The following OTOF variants were observed in gnomAD, a reference collection of about 807,000 sequenced individuals.
OTOF encodes otoferlin.
OTOF carries 218 observed loss-of-function variants against 236.8 expected under a neutral mutation model. That is an observed-to-expected ratio of 0.92 (90% CI 0.82 to 1.03). The LOEUF is 1.03. OTOF is among the 50% of genes least tolerant of loss of function. The pLI is 0.00. For missense variants in OTOF, 2,590 were observed against 2,694.4 expected, an observed-to-expected ratio of 0.96 and a Z score of 0.86; for synonymous variants, 1,041 against 1,072.5, an observed-to-expected ratio of 0.97 and a Z score of 0.57.
intron 4 of OTOF, among the ~76,000 whole-genome samples, chr2:26,516,905 C>A (rs1422052491): frequency 3.3e-5 from 5 of 152,172 alleles, no homozygotes; most frequent in African/African-American, 1.2e-4. Flanking sequence ...AGCCTGGACT[C>A]ACCCCCCGAG....
Position 26,464,850 on chromosome 2 carries a change from G to T in OTOF, c.4960+19C>A, listed in dbSNP as rs748472541. 1 of 1,598,688 alleles carries T rather than the reference G, an allele frequency of 6.3e-7. No individual in the cohort carries two copies. The highest frequency in any genetic ancestry group is 8.5e-7 in the Non-Finnish European group (1 of 1,172,012). Reference sequence around the variant, plus strand: ...CCCCCTGGAGAGGGGGCAGGCGGCTGCATCCAGTGCCCCATTACCGTTCTC... The same window carrying T: ...CCCCCTGGAGAGGGGGCAGGCGGCTTCATCCAGTGCCCCATTACCGTTCTC... On this transcript the variant is annotated intron_variant, in intron 39 of 46. Coordinates refer to ENST00000272371, the MANE Select transcript of OTOF (RefSeq NM_194248.3).
rs958376268 is a variant in OTOF, at chr2:26,499,669, C to A, written c.765+2085G>T. On this transcript the variant is annotated intron_variant, in intron 8 of 46. Transcript: ENST00000272371. ...ATTACAGGTATGCGCCACCACCATG[C>A]CTGGCTAATTTTTGTATTTTTAGTA... 2.6e-5 allele frequency among the ~76,000 whole-genome samples: 4 copies of A among 152,000 alleles called. No homozygotes were observed. In the East Asian group the frequency reaches 7.7e-4, roughly 29 times the overall value.
Position 26,473,996 on chromosome 2 carries a change from C to T in OTOF, c.3403G>A (p.Val1135Met), listed in dbSNP as rs376216850. 1.2e-6 allele frequency: 2 copies of T among 1,612,840 alleles called. No individual in the cohort carries two copies. The highest frequency in any genetic ancestry group is 1.7e-6 in the Non-Finnish European group (2 of 1,179,892). ...GCCACACAGAGCCCTCGCACCTCCA[C>T]TCGGTACTTGCTGAGCACGGGCCGG... ...GIRPVLSKYRVEVLFWGLRDL... is the reference protein window; with the variant it reads ...GIRPVLSKYRMEVLFWGLRDL... The change falls in exon 27 of 47, where the codon GTG (valine) becomes ATG (methionine). Residue 1135 changes from valine to methionine, a missense_variant. By Grantham distance (21) the Val-to-Met change is conservative (BLOSUM62 1). Coordinates refer to ENST00000272371, the MANE Select transcript of OTOF (RefSeq NM_194248.3). The surrounding 1 kb of genome is among the most constrained non-coding windows in gnomAD (Gnocchi z 7.2).
At chr2:26,535,705 C>T (rs1010028686) in intron 2 of OTOF, among the ~76,000 whole-genome samples, 3 of 152,188 alleles carry the variant, frequency 2.0e-5, no homozygotes, top group African/African-American at 7.2e-5. Context: ...TACAAATCAT[C>T]ATGGGGTGTT....
At chr2:26,557,910 T>C (rs906405677) in intron 1 of OTOF, among the ~76,000 whole-genome samples, 9 of 151,726 alleles carry the variant, frequency 5.9e-5, no homozygotes, top group African/African-American at 2.2e-4. Flanking sequence ...CAGTAGATCA[T>C]AATAAATGGT....
intron 4 of OTOF, 148 bp from the exon 5 acceptor site, chr2:26,516,747 T>A (rs1666538769): frequency 1.2e-6 from 1 of 824,774 alleles, no homozygotes; most frequent in South Asian, 1.4e-5. Context: ...CTCTGCCCCA[T>A]TTTGCTGATG....
chr2:26,505,970 G>T (rs1031439868), intron 5 of OTOF, among the ~76,000 whole-genome samples: 1 of 152,194 alleles, frequency 6.6e-6, no homozygotes, highest in African/African-American at 2.4e-5. Flanking sequence ...TTAAATTGCT[G>T]GTGACATAAC....
At chr2:26,459,646 T>C (rs1038352196) in intron 46 of OTOF, among the ~76,000 whole-genome samples, 2 of 152,128 alleles carry the variant, frequency 1.3e-5, no homozygotes, top group African/African-American at 4.8e-5. Flanking sequence ...GATTGGAAAT[T>C]TGGAAACCTT....
Position 26,465,948 on chromosome 2 carries a change from CT to C in OTOF, c.4628del (p.Lys1543SerfsTer15). ...CAGGGGAGGGCACCAAGAAGCCTTA[CT>C]TCCCAAAGACAGGGTTGAGCTGCTT... ...ISKQLNPVFGKSFDIEASFPM... is the reference protein window; with the variant it reads ...ISKQLNPVFGXSFDIEASFPM... On this transcript the variant is annotated frameshift_variant and splice_region_variant, in exon 37 of 47. Transcript: ENST00000272371. LOFTEE classifies it high-confidence loss of function. 2.5e-6 allele frequency: 4 copies of C among 1,614,262 alleles called. No homozygotes were observed. Among genetic ancestry groups the C allele is most frequent in the Non-Finnish European group, 3.4e-6 (4 of 1,180,046 alleles).
At chr2:26,467,978 T>C (rs1664814386) in intron 33 of OTOF, among the ~76,000 whole-genome samples, 1 of 152,244 alleles carries the variant, frequency 6.6e-6, no homozygotes, top group Non-Finnish European at 1.5e-5. Context: ...TAGAGATGTA[T>C]AATAACATTT....
chr2:26,479,149 G>A (rs2148054549), intron 18 of OTOF, 115 bp downstream of exon 18: 2 of 1,364,784 alleles, frequency 1.5e-6, no homozygotes, highest in Non-Finnish European at 2.0e-6. Context: ...GGTCCTGCTG[G>A]GGCCGTTCCT....
At chr2:26,483,853 A>G (rs1339377413) in intron 12 of OTOF, among the ~76,000 whole-genome samples, 1 of 152,148 alleles carries the variant, frequency 6.6e-6, no homozygotes, top group African/African-American at 2.4e-5. Context: ...CCGTTTCCTC[A>G]CTGTTGAGGT....
At chr2:26,474,744 AC>A in intron 25 of OTOF, 70 bp from the exon 26 acceptor site, 2 of 1,552,444 alleles carry the variant, frequency 1.3e-6, no homozygotes, top group Non-Finnish European at 1.8e-6. Context: ...TTTGGTCCTT[AC>A]CACAGCGCCA....
Position 26,482,893 on chromosome 2 carries a change from G to A in OTOF, c.1393-301C>T, listed in dbSNP as rs56846135. ...CGTGTGTGAGTGGTTGCATGTGTGC[G>A]TGTGTTAATGGGTGCATGTGTGCGT... On this transcript the variant is annotated intron_variant, in intron 13 of 46. Transcript: ENST00000272371. 0.021 allele frequency among the ~76,000 whole-genome samples: 3,153 copies of A among 150,626 alleles called. 115 individuals carry two copies. Among genetic ancestry groups the A allele is most frequent in the African/African-American group, 0.072 (2,922 of 40,760 alleles).
Position 26,487,798 on chromosome 2 carries a change from A to G in OTOF, c.1045+1413T>C, listed in dbSNP as rs561514133. On this transcript the variant is annotated intron_variant, in intron 11 of 46. Transcript: ENST00000272371. ...CCAAGCAAGTAGTCCACGGCTATGC[A>G]TGCTTCCTGGAAAGCAACATGGCAG... Among the ~76,000 whole-genome samples the G allele has an allele frequency of 2.0e-5, 3 of 152,302 alleles. No individual in the cohort carries two copies. In the South Asian group the frequency reaches 6.2e-4, roughly 32 times the overall value.
chr2:26,479,535 A>G lies in OTOF; in HGVS notation c.2031T>C (p.Gly677=). The stretch of plus-strand genomic sequence containing the variant: ...AGACTGAGGCCAGGTCCCCGGCATC[A>G]CCGGCCTCGTCATCACTTGCGTTCT... ...LIQNASDDEA[G]DAGDLASVSS... The change falls in exon 17 of 47, where the codon GGT becomes GGC. Residue 677 remains glycine, a synonymous_variant. Coordinates refer to ENST00000272371, the MANE Select transcript of OTOF (RefSeq NM_194248.3). 1 of 1,610,042 alleles carries G rather than the reference A, an allele frequency of 6.2e-7. No homozygotes were observed.
chr2:26,476,383 C>T, intron 22 of OTOF, 66 bp from the exon 23 acceptor site: 1 of 1,473,878 alleles, frequency 6.8e-7, no homozygotes, highest in Non-Finnish European at 9.3e-7. Flanking sequence ...GGGGAAGGGG[C>T]AGGGGCCGGC....
At position 26,501,811 on chromosome 2, in the gene OTOF, G is replaced by A; in HGVS notation, c.711-3C>T. 5.0e-6 allele frequency: 8 copies of A among 1,612,606 alleles called. No homozygotes were observed. Among genetic ancestry groups the A allele is most frequent in the South Asian group, 1.1e-5 (1 of 91,048 alleles). ...CCATCTTAATGTCTGGCTTAGATCT[G>A]AGGAAGAGAATGTACCATCAGGCCT... On this transcript the variant is annotated splice_polypyrimidine_tract_variant and splice_region_variant and intron_variant, in intron 7 of 46. Coordinates refer to ENST00000272371, the MANE Select transcript of OTOF (RefSeq NM_194248.3).
rs754697844 is a variant in OTOF, at chr2:26,461,873, C to T, written c.5356G>A (p.Glu1786Lys). 6 of 1,614,048 alleles carry T rather than the reference C, an allele frequency of 3.7e-6. No individual in the cohort carries two copies. The highest frequency in any genetic ancestry group is 4.2e-6 in the Non-Finnish European group (5 of 1,180,024). Residue 1786 changes from glutamate to lysine, a missense_variant, in exon 43 of 47, where the codon GAG (glutamate) becomes AAG (lysine). Coordinates refer to ENST00000272371, the MANE Select transcript of OTOF (RefSeq NM_194248.3). This position sits in a 1 kb window ranked among gnomAD's most constrained non-coding sequence, Gnocchi z 6.2. Reference sequence around the variant, plus strand: ...AGGTAGCGCCAGTTGAAGTTGCCCTCGCCAGTGAGGGAGTGGTAGTGGACG... The same window carrying T: ...AGGTAGCGCCAGTTGAAGTTGCCCTTGCCAGTGAGGGAGTGGTAGTGGACG... ...TDVHYHSLTG[E>K]GNFNWRYLFP...
Sources: allele counts gnomAD v4.1 joint callset (sites outside exome capture counted in the v4.1 genomes callset), GRCh38; gene constraint gnomAD v4.1.1; non-coding constraint Gnocchi (gnomAD v3.1); transcripts MANE v1.5; gene names NCBI Gene and HGNC (gene_info 2026-07-23, HGNC 2026-07-21).